The following ZNF469 variants were observed in gnomAD, a reference collection of about 807,000 sequenced individuals.
ZNF469 encodes zinc finger protein 469.
Under a neutral mutation model 1.0 loss-of-function variants are expected in ZNF469, and 1 was observed. The ratio of observed to expected loss-of-function variants is 1.00; its 90% CI spans 0.35 to 4.73. ZNF469 has a LOEUF of 4.73. Ranked by LOEUF, ZNF469 falls within the 30% of genes most tolerant of loss-of-function variation. The pLI, the probability that ZNF469 is intolerant of heterozygous loss-of-function variation, is 0.16. For synonymous variants in ZNF469, 2,703 were observed against 2,363.4 expected, an observed-to-expected ratio of 1.14 and a Z score of -4.17; for missense variants, 6,100 against 5,356.3, an observed-to-expected ratio of 1.14 and a Z score of -4.33.
the ZNF469 span, among the ~76,000 whole-genome samples, chr16:88,121,194 C>G: frequency 9.5e-6 from 1 of 105,478 alleles, no homozygotes; most frequent in Non-Finnish European, 1.8e-5. Context: ...GGGTGTTGCA[C>G]TTGGCACCCA....
the ZNF469 span, among the ~76,000 whole-genome samples, chr16:88,254,095 A>G: frequency 1.3e-5 from 2 of 152,096 alleles, no homozygotes; most frequent in African/African-American, 4.8e-5. Flanking sequence ...CTATCCCAAC[A>G]TCACAAAGAT....
At chr16:88,333,697 G>A in the ZNF469 span, among the ~76,000 whole-genome samples, 6 of 152,258 alleles carry the variant, frequency 3.9e-5, no homozygotes, top group Non-Finnish European at 8.8e-5. Context: ...CCTGCCCAGG[G>A]AAGGCATTTT....
chr16:88,177,736 C>G, the ZNF469 span: 3 of 152,224 alleles, frequency 2.0e-5, no homozygotes, highest in East Asian at 3.9e-4. This position sits in a 1 kb window ranked among gnomAD's most constrained non-coding sequence, Gnocchi z 4.8. Context: ...GAGGCAGGGT[C>G]TCACTCTGTT....
rs56651491 is a variant in ZNF469 at position 88,422,747 on chromosome 16, A to AATGG, written c.-191-2031_-191-2028dup. 4.6e-3 allele frequency among the ~76,000 whole-genome samples: 547 copies of AATGG among 119,064 alleles called. 3 individuals carry two copies. Among genetic ancestry groups the AATGG allele is most frequent in the African/African-American group, 0.019 (524 of 28,038 alleles). The allele number at this position is 119,064 out of a possible 152,430, so 78.1% of individuals were successfully genotyped here. A position where few individuals can be genotyped will look rare whatever the true frequency, so the allele number is the denominator to read the frequency against. ...GATGGATAATGATGATGGATGAGTGAATGGATGGATGGATGGATGGATGGA... is the reference window on the plus strand; with the variant it reads ...GATGGATAATGATGATGGATGAGTGAATGGATGGATGGATGGATGGATGGATGGA... On this transcript the variant is annotated intron_variant, in intron 1 of 2. Transcript: ENST00000565624.
the ZNF469 span, among the ~76,000 whole-genome samples, chr16:88,282,384 G>A: frequency 6.6e-6 from 1 of 152,170 alleles, no homozygotes; most frequent in Non-Finnish European, 1.5e-5. Context: ...GTGTTGAGAG[G>A]GACCTGGGTG....
At chr16:88,211,597 T>A in the ZNF469 span, among the ~76,000 whole-genome samples, 1 of 152,226 alleles carries the variant, frequency 6.6e-6, no homozygotes, top group Admixed American at 6.5e-5. Flanking sequence ...TCTCGGTGTC[T>A]GTTTTAATGG....
the ZNF469 span, among the ~76,000 whole-genome samples, chr16:88,129,468 T>C: frequency 2.6e-5 from 4 of 152,232 alleles, no homozygotes; most frequent in Non-Finnish European, 4.4e-5. Context: ...TTGCATTGCA[T>C]TGATTTATGC....
the ZNF469 span, among the ~76,000 whole-genome samples, chr16:88,368,246 T>G: frequency 9.2e-5 from 14 of 152,150 alleles, no homozygotes; most frequent in Non-Finnish European, 1.8e-4. Flanking sequence ...AGTCACAGCC[T>G]CCACAGAACC....
the ZNF469 span, among the ~76,000 whole-genome samples, chr16:88,310,117 G>A: frequency 1.3e-5 from 2 of 152,174 alleles, no homozygotes; most frequent in African/African-American, 4.8e-5. Flanking sequence ...GTGGGGGCAG[G>A]GAGAAGCCAA....
At chr16:88,309,284 C>T in the ZNF469 span, among the ~76,000 whole-genome samples, 2 of 152,350 alleles carry the variant, frequency 1.3e-5, no homozygotes, top group Middle Eastern at 3.4e-3. Flanking sequence ...ACAGCGGTGA[C>T]CTGTGGTGGC....
At chr16:88,304,523 G>C in the ZNF469 span, among the ~76,000 whole-genome samples, 1 of 152,126 alleles carries the variant, frequency 6.6e-6, no homozygotes, top group Non-Finnish European at 1.5e-5. Flanking sequence ...CCAGTCGCCC[G>C]GTGAGCAAGG....
Position 88,429,290 on chromosome 16 carries a change from C to T in ZNF469, c.1820C>T (p.Ser607Phe). Reference sequence around the variant, plus strand: ...AACACGGCCGGCAGCACCTGCTCTTCCCTGTCGCCGATGTCCAGCAGCCCA... The same window carrying T: ...AACACGGCCGGCAGCACCTGCTCTTTCCTGTCGCCGATGTCCAGCAGCCCA... ...ATNTAGSTCS[S>F]LSPMSSSPAN... The change falls in exon 3 of 3, where the codon TCC becomes TTC. Residue 607 changes from serine to phenylalanine, a missense_variant. Transcript: ENST00000565624. 1 of 1,549,946 alleles carries T rather than the reference C, an allele frequency of 6.5e-7. No individual in the cohort carries two copies.
At chr16:88,252,996 A>G in the ZNF469 span, among the ~76,000 whole-genome samples, 2 of 152,140 alleles carry the variant, frequency 1.3e-5, no homozygotes, top group Non-Finnish European at 2.9e-5. Flanking sequence ...TTTGCTTCAC[A>G]TGGTGTTTTT....
At position 88,430,704 on chromosome 16, in the gene ZNF469, G is replaced by A; in HGVS notation, c.3234G>A (p.Gly1078=). Residue 1078 remains glycine (G), a synonymous_variant, in exon 3 of 3, where the codon GGG becomes GGA. Transcript: ENST00000565624. ...GCAGGTGCGGCTCCCTGGCGGCGGG[G>A]AGGCCCCGGCCCGGAGCTGAGGACC... The part of the protein sequence containing the change: ...RAGRCGSLAA[G]RPRPGAEDRR... The A allele has an allele frequency of 6.8e-7, 1 of 1,481,108 alleles. No individual in the cohort carries two copies. The highest frequency in any genetic ancestry group is 1.3e-5 in the South Asian group (1 of 76,000). 91.7% of individuals were successfully genotyped at this position (1,481,108 alleles called of 1,614,324 possible).
At chr16:88,192,666 AATG>A in the ZNF469 span, among the ~76,000 whole-genome samples, 2 of 149,774 alleles carry the variant, frequency 1.3e-5, no homozygotes, top group African/African-American at 2.5e-5. Flanking sequence ...TGATGGTGGT[AATG>A]ATGATGGTGG....
the ZNF469 span, among the ~76,000 whole-genome samples, chr16:88,220,044 C>T: frequency 1.3e-5 from 2 of 152,248 alleles, no homozygotes; most frequent in African/African-American, 4.8e-5. Flanking sequence ...CAATACTTGA[C>T]ATGACCTCAG....
the ZNF469 span, among the ~76,000 whole-genome samples, chr16:88,292,653 G>A: frequency 1.3e-4 from 20 of 152,116 alleles, no homozygotes; most frequent in Non-Finnish European, 2.2e-4. Context: ...GCCAGGCCTC[G>A]GTGGCCTTGA....
the ZNF469 span, among the ~76,000 whole-genome samples, chr16:88,315,893 G>A: frequency 6.6e-6 from 1 of 152,170 alleles, no homozygotes; most frequent in Non-Finnish European, 1.5e-5. Context: ...TCACACACAG[G>A]GCCTCGCCCG....
the ZNF469 span, among the ~76,000 whole-genome samples, chr16:88,231,309 G>A: frequency 6.6e-6 from 1 of 152,194 alleles, no homozygotes; most frequent in Admixed American, 6.5e-5. The surrounding 1 kb of genome is among the most constrained non-coding windows in gnomAD (Gnocchi z 4.5). Context: ...GGGGCTCAGG[G>A]AACCTGTGTG....
Sources: allele counts gnomAD v4.1 joint callset (sites outside exome capture counted in the v4.1 genomes callset), GRCh38; gene constraint gnomAD v4.1.1; non-coding constraint Gnocchi (gnomAD v3.1); transcripts MANE v1.5; gene names NCBI Gene and HGNC (gene_info 2026-07-23, HGNC 2026-07-21).